RNF115: variants seen among roughly 807,000 people sequenced by gnomAD.
The protein encoded by RNF115 is E3 ubiquitin-protein ligase RNF115.
In RNF115, 31 loss-of-function variants were observed where a neutral mutation model predicts 39.2. The ratio of observed to expected loss-of-function variants is 0.79; its 90% CI spans 0.59 to 1.07. RNF115 has a LOEUF of 1.07. Ranked by LOEUF, RNF115 falls within the 50% of genes least tolerant of loss-of-function variation. The pLI, the probability that RNF115 is intolerant of heterozygous loss-of-function variation, is 0.00. For synonymous variants in RNF115, 124 were observed against 131.0 expected (o/e 0.95, Z 0.37); for missense variants, 384 against 381.7 (o/e 1.01, Z -0.05).
chr1:145,788,960 T>G lies in RNF115; in HGVS notation c.109A>C (p.Ile37Leu). Reference sequence around the variant, plus strand: ...AAGCCTGATTCACATCTGGGACATATATATTCCTATAAAAGAAAGGAAGAA... The same window carrying G: ...AAGCCTGATTCACATCTGGGACATAGATATTCCTATAAAAGAAAGGAAGAA... Reference protein sequence around the residue: ...GEVSPKLPEYICPRCESGFIE... With the variant: ...GEVSPKLPEYLCPRCESGFIE... Residue 37 changes from isoleucine (I) to leucine (L), a missense_variant, in exon 2 of 9, where the codon ATA becomes CTA. By Grantham distance (5) the Ile-to-Leu change is conservative (BLOSUM62 2). Coordinates refer to ENST00000582693, the MANE Select transcript of RNF115 (RefSeq NM_014455.4). 3 of 1,585,764 alleles carry G rather than the reference T, an allele frequency of 1.9e-6. No homozygotes were observed. Among genetic ancestry groups the G allele is most frequent in the Non-Finnish European group, 1.7e-6 (2 of 1,158,556 alleles).
chr1:145,774,640 G>T (rs1647796689), intron 3 of RNF115, among the ~76,000 whole-genome samples: 1 of 152,036 alleles, frequency 6.6e-6, no homozygotes, highest in Non-Finnish European at 1.5e-5. Flanking sequence ...CGTGAGCCAT[G>T]GCGCCCAGCC....
At chr1:145,813,663 A>C (rs1373916129) in intron 1 of RNF115, among the ~76,000 whole-genome samples, 1 of 152,166 alleles carries the variant, frequency 6.6e-6, no homozygotes, top group Non-Finnish European at 1.5e-5. Flanking sequence ...TTCCTGTTCT[A>C]AACACTCTCT....
intron 1 of RNF115, among the ~76,000 whole-genome samples, chr1:145,807,915 T>G (rs1044218899): frequency 9.9e-5 from 15 of 152,116 alleles, no homozygotes; most frequent in African/African-American, 3.1e-4. Flanking sequence ...CTTTTTTAGC[T>G]CCCACATATG....
At position 145,751,472 on chromosome 1, in the gene RNF115, C is replaced by T. The variant is rs1553712469; in HGVS notation, c.539G>A (p.Trp180Ter). 1 of 1,595,930 alleles carries T rather than the reference C, an allele frequency of 6.3e-7. No individual in the cohort carries two copies. Among genetic ancestry groups the T allele is most frequent in the Admixed American group, 1.7e-5 (1 of 57,634 alleles). Residue 180 changes from tryptophan to a stop codon, truncating the protein, a stop_gained, in exon 6 of 9, where the codon TGG becomes TAG. Transcript: ENST00000582693. LOFTEE classifies it high-confidence loss of function. ...AATGGCATCAAGCCCTGTCTGACCC[C>T]AGGCATAGTCCCCAGGGTTGGAGTG... ...MLHSNPGDYA[W>*]GQTGLDAIVT... is the part of the protein sequence containing the mutation.
intron 4 of RNF115, among the ~76,000 whole-genome samples, chr1:145,763,696 C>G (rs1452737467): frequency 1.3e-5 from 2 of 151,924 alleles, no homozygotes; most frequent in East Asian, 3.9e-4. Context: ...GAGACTCCCT[C>G]TCAAAAAAAC....
chr1:145,771,650 T>G, intron 4 of RNF115, 61 bp downstream of exon 4: 1 of 1,338,728 alleles, frequency 7.5e-7, no homozygotes, highest in Non-Finnish European at 1.1e-6. Flanking sequence ...AAAGATTAGA[T>G]TATACCAATT....
In RNF115 at chr1:145,741,665, C is replaced by G. The variant is rs747104183; in HGVS notation, c.*5201G>C. 6.6e-6 allele frequency: 1 copy of G among 152,296 alleles called. No homozygotes were observed. The highest frequency in any genetic ancestry group is 1.5e-5 in the Non-Finnish European group (1 of 68,046). The allele number at this position is 152,296 out of a possible 1,614,324, so 9.4% of individuals were successfully genotyped here. A position where few individuals can be genotyped will look rare whatever the true frequency, so the allele number is the denominator to read the frequency against. ...AAATTCTCAACAAGAGGACTCTATC[C>G]TATAAGTCGTCCCCAATCCCCAGAT... On this transcript the variant is annotated 3_prime_UTR_variant, in exon 9 of 9. Coordinates refer to ENST00000582693, the MANE Select transcript of RNF115 (RefSeq NM_014455.4).
At chr1:145,803,421 ACT>A (rs1387708320) in intron 1 of RNF115, among the ~76,000 whole-genome samples, 15 of 152,022 alleles carry the variant, frequency 9.9e-5, no homozygotes, top group Admixed American at 9.8e-4. Context: ...ACTGAGTCTC[ACT>A]CTGTTGCCCA....
intron 3 of RNF115, among the ~76,000 whole-genome samples, chr1:145,777,775 G>A (rs1371802279): frequency 2.0e-5 from 3 of 152,154 alleles, no homozygotes; most frequent in African/African-American, 7.2e-5. Flanking sequence ...ACATTACTCT[G>A]AATGTAAGTA....
intron 4 of RNF115, among the ~76,000 whole-genome samples, chr1:145,767,413 T>C (rs1571728785): frequency 1.5e-5 from 2 of 135,098 alleles, no homozygotes; most frequent in Admixed American, 7.3e-5. Flanking sequence ...TCTCAGATGA[T>C]GGGCGGCCGG....
Position 145,746,919 on chromosome 1 carries a change from C to CAG in RNF115, c.860_861dup (p.Ala288LeufsTer25). The CAG allele has an allele frequency of 6.2e-7, 1 of 1,614,110 alleles. No homozygotes were observed. Among genetic ancestry groups the CAG allele is most frequent in the African/African-American group, 1.3e-5 (1 of 75,042 alleles). ...CTGTCATTGCTAAATCTGTTGCTTGCAGAGGCCTCAGTGCTCTGGCTTTGC... is the reference window on the plus strand; with the variant it reads ...CTGTCATTGCTAAATCTGTTGCTTGCAGAGAGGCCTCAGTGCTCTGGCTTTGC... On this transcript the variant is annotated frameshift_variant, in exon 9 of 9. Transcript: ENST00000582693. LOFTEE classifies it high-confidence loss of function.
chr1:145,746,556 C>CA lies in RNF115; in HGVS notation c.*309dup, dbSNP rs1291930636. Reference sequence around the variant, plus strand: ...AAACATCCGTTACAAGGCAACATGACAGACAGCAGGACCCTAACTAGACTT... The same window carrying CA: ...AAACATCCGTTACAAGGCAACATGACAAGACAGCAGGACCCTAACTAGACTT... On this transcript the variant is annotated 3_prime_UTR_variant, in exon 9 of 9. Transcript: ENST00000582693. 1.4e-5 allele frequency: 3 copies of CA among 220,438 alleles called. No homozygotes were observed. The highest frequency in any genetic ancestry group is 6.9e-5 in the African/African-American group (3 of 43,750). The allele number at this position is 220,438 out of a possible 1,614,324, so 13.7% of individuals were successfully genotyped here.
chr1:145,780,493 G>A (rs935551476), intron 3 of RNF115, among the ~76,000 whole-genome samples: 6 of 151,156 alleles, frequency 4.0e-5, no homozygotes, highest in Admixed American at 2.6e-4. Flanking sequence ...GGTGGCACGC[G>A]CCTGTGGTCC....
chr1:145,767,337 G>A (rs1314705072), intron 4 of RNF115, among the ~76,000 whole-genome samples: 18 of 151,084 alleles, frequency 1.2e-4, no homozygotes, highest in African/African-American at 2.7e-4. Flanking sequence ...CTTCTCAGAC[G>A]GGGCGGCCGG....
At chr1:145,786,307 T>C (rs1648376828) in intron 2 of RNF115, among the ~76,000 whole-genome samples, 1 of 152,170 alleles carries the variant, frequency 6.6e-6, no homozygotes, top group Non-Finnish European at 1.5e-5. Flanking sequence ...CTCTTACTGG[T>C]TTTTACCCTC....
intron 3 of RNF115, among the ~76,000 whole-genome samples, chr1:145,781,082 C>T (rs1487659258): frequency 6.6e-6 from 1 of 152,112 alleles, no homozygotes; most frequent in African/African-American, 2.4e-5. Context: ...AACACTGCTC[C>T]CATGTAACTG....
chr1:145,773,198 T>G (rs1200116270), intron 3 of RNF115: 2 of 152,222 alleles, frequency 1.3e-5, no homozygotes, highest in African/African-American at 4.8e-5. Flanking sequence ...AATTCTAGTA[T>G]TAGTGCTTCC....
intron 1 of RNF115, 67 bp from the exon 2 acceptor site, chr1:145,789,033 A>T: frequency 1.0e-6 from 1 of 956,228 alleles, no homozygotes; most frequent in Non-Finnish European, 1.7e-6. Flanking sequence ...CTGTAGTTTC[A>T]GAATAACATG....
rs199930000 is a variant in RNF115, at chr1:145,816,070, GT to G, written c.102+7701del. On this transcript the variant is annotated intron_variant, in intron 1 of 8. Coordinates refer to ENST00000582693, the MANE Select transcript of RNF115 (RefSeq NM_014455.4). ...GAACCTTTTGTCCTCTTTTTGAATG[GT>G]TTTTTTTTTTTTTGAGATGGAGTCT... is the stretch of plus-strand genomic sequence containing the variant. 4.9e-4 allele frequency among the ~76,000 whole-genome samples: 16 copies of G among 32,406 alleles called. 3 individuals carry two copies. Among genetic ancestry groups the G allele is most frequent in the Admixed American group, 1.0e-3 (3 of 2,880 alleles). 21.3% of individuals were successfully genotyped at this position (32,406 alleles called of 152,430 possible).
Sources: gnomAD v4.1 joint callset for allele counts (sites outside exome capture counted in the v4.1 genomes callset) on GRCh38, gnomAD v4.1.1 for gene constraint, MANE v1.5 for transcripts, NCBI Gene and HGNC (gene_info 2026-07-23, HGNC 2026-07-21) for gene names.